The following ERCC3 variants were observed in gnomAD, a reference collection of about 807,000 sequenced individuals.
The protein encoded by ERCC3 is general transcription and DNA repair factor IIH helicase/translocase subunit XPB.
ERCC3 carries 66 observed loss-of-function variants against 94.2 expected under a neutral mutation model. The observed-to-expected ratio is 0.70, with a 90% confidence interval of 0.57 to 0.86. The LOEUF is 0.86. Among genes scored for constraint, ERCC3 ranks in the 40% least tolerant of loss-of-function variants. The probability of loss-of-function intolerance (pLI) is 0.00; values close to 1 mark genes in which losing one functional copy is unlikely to be tolerated. For missense variants in ERCC3, 829 were observed against 987.1 expected (o/e 0.84, Z 2.15); for synonymous variants, 349 against 369.1 (o/e 0.95, Z 0.63).
rs1034596012 is a variant in ERCC3, at chr2:127,257,876, G to C, written c.2218-149C>G. On this transcript the variant is annotated intron_variant, in intron 14 of 14. Coordinates refer to ENST00000285398, the MANE Select transcript of ERCC3 (RefSeq NM_000122.2). This position sits in a 1 kb window ranked among gnomAD's most constrained non-coding sequence, Gnocchi z 5.4. ...GTTTACAGATCGCTTACTGTCTCAG[G>C]CATTGTTCTAAGCATTTTACATGCA... is the stretch of plus-strand genomic sequence containing the variant. The C allele has an allele frequency of 4.6e-5, 42 of 914,742 alleles. No individual in the cohort carries two copies. In the African/African-American group the frequency reaches 6.8e-4, roughly 15 times the overall value. The allele number at this position is 914,742 out of a possible 1,614,324, so 56.7% of individuals were successfully genotyped here. A position where few individuals can be genotyped will look rare whatever the true frequency, so the allele number is the denominator to read the frequency against.
chr2:127,271,262 C>G lies in ERCC3; in HGVS notation c.1945+74G>C, dbSNP rs1684539809. The G allele has an allele frequency of 9.8e-7, 1 of 1,022,634 alleles. No individual in the cohort carries two copies. The highest frequency in any genetic ancestry group is 1.6e-5 in the African/African-American group (1 of 63,554). The allele number at this position is 1,022,634 out of a possible 1,614,324, so 63.3% of individuals were successfully genotyped here. On this transcript the variant is annotated intron_variant, in intron 12 of 14. Transcript: ENST00000285398. The surrounding 1 kb of genome is among the most constrained non-coding windows in gnomAD (Gnocchi z 5.0). Reference sequence around the variant, plus strand: ...GCCCCAGGGCACATGGCAGCTCTCACCCCTATCGTCTTCCTAACTAAAGTG... The same window carrying G: ...GCCCCAGGGCACATGGCAGCTCTCAGCCCTATCGTCTTCCTAACTAAAGTG...
chr2:127,266,416 A>G (rs1353304826), intron 12 of ERCC3, among the ~76,000 whole-genome samples: 3 of 147,380 alleles, frequency 2.0e-5, no homozygotes, highest in Non-Finnish European at 4.4e-5. Context: ...GCTCACTGCA[A>G]GCTCCGCCTC....
rs777778660 is a variant in ERCC3, at chr2:127,293,675, A to ATCCTCTTCATCC, written c.60_71dup (p.Glu20_Glu23dup). ...CGTTCCCCGGGGCGTCCTCTTCATC[A>ATCCTCTTCATCC]TCCTCTTCATCCTCATAGTGCCGCT... On this transcript the variant is annotated inframe_insertion, in exon 2 of 15. Transcript: ENST00000285398. 7 of 1,613,832 alleles carry ATCCTCTTCATCC rather than the reference A, an allele frequency of 4.3e-6. No homozygotes were observed. In the Admixed American group the frequency reaches 8.3e-5, roughly 19 times the overall value.
Position 127,280,774 on chromosome 2 carries a change from G to T in ERCC3, c.1343-143C>A. On this transcript the variant is annotated intron_variant, in intron 8 of 14. Transcript: ENST00000285398. The surrounding 1 kb of genome is among the most constrained non-coding windows in gnomAD (Gnocchi z 6.3). ...ACTCCTGGCCTCAAGCAATCCCCCT[G>T]CCTTCGCCTCCCAAAGTGCTGGGAT... The T allele has an allele frequency of 1.3e-6, 1 of 754,516 alleles. No individual in the cohort carries two copies. Among genetic ancestry groups the T allele is most frequent in the Non-Finnish European group, 2.2e-6 (1 of 450,922 alleles). The allele number at this position is 754,516 out of a possible 1,614,324, so 46.7% of individuals were successfully genotyped here.
intron 1 of ERCC3, 135 bp from the exon 2 acceptor site, chr2:127,293,853 T>C: frequency 6.4e-7 from 1 of 1,562,498 alleles, no homozygotes; most frequent in Non-Finnish European, 8.6e-7. Context: ...GTTGCGCCCC[T>C]CACCCGTCTC....
At chr2:127,273,078 G>A (rs1446804303) in intron 10 of ERCC3, 117 bp from the exon 11 acceptor site, 1 of 704,220 alleles carries the variant, frequency 1.4e-6, no homozygotes, top group Non-Finnish European at 2.6e-6. Flanking sequence ...CCCTCGTCAT[G>A]TAGGAATATC....
chr2:127,278,613 G>C (rs1440765398), intron 10 of ERCC3, among the ~76,000 whole-genome samples: 2 of 152,218 alleles, frequency 1.3e-5, no homozygotes, highest in Non-Finnish European at 2.9e-5. Flanking sequence ...CTGAAGTCCT[G>C]TGTCACTGTA....
At position 127,257,380 on chromosome 2, in the gene ERCC3, TCC is replaced by T. The variant is rs977616499; in HGVS notation, c.*214_*215del. ...TTTTTATATACAGAAATGACCCCAC[TCC>T]CCAAAAAGTTTGAAAAAATATTGTC... On this transcript the variant is annotated 3_prime_UTR_variant, in exon 15 of 15. Transcript: ENST00000285398. The surrounding 1 kb of genome is among the most constrained non-coding windows in gnomAD (Gnocchi z 5.4). 7 of 619,738 alleles carry T rather than the reference TCC, an allele frequency of 1.1e-5. No individual in the cohort carries two copies. The African/African-American group carries it at 1.3e-4, about 11-fold the overall frequency. 38.4% of individuals were successfully genotyped at this position (619,738 alleles called of 1,614,324 possible).
At chr2:127,288,150 T>C (rs1190146695) in intron 7 of ERCC3, among the ~76,000 whole-genome samples, 2 of 152,084 alleles carry the variant, frequency 1.3e-5, no homozygotes, top group Admixed American at 6.6e-5. Flanking sequence ...CTGGGATAAG[T>C]GGTCAAACAG....
At chr2:127,272,067 G>T (rs1684575577) in intron 11 of ERCC3, among the ~76,000 whole-genome samples, 1 of 139,212 alleles carries the variant, frequency 7.2e-6, no homozygotes, top group Non-Finnish European at 1.5e-5. Context: ...TGCCTAGGCT[G>T]GAGTGCAACG....
intron 10 of ERCC3, 81 bp from the exon 11 acceptor site, chr2:127,273,042 C>T (rs905122375): frequency 3.4e-6 from 3 of 882,884 alleles, no homozygotes; most frequent in Non-Finnish European, 5.7e-6. Context: ...AAAAGGAGCT[C>T]AGGCTAGCTC....
In ERCC3 at chr2:127,274,403, C is replaced by T. The variant is rs1423877821; in HGVS notation, c.1731-1442G>A. The stretch of plus-strand genomic sequence containing the variant: ...CATTGTAAAAGACAGGTTTCATGTT[C>T]CCCAATTTACATGTGGGAAACCAAG... On this transcript the variant is annotated intron_variant, in intron 10 of 14. Coordinates refer to ENST00000285398, the MANE Select transcript of ERCC3 (RefSeq NM_000122.2). This position sits in a 1 kb window ranked among gnomAD's most constrained non-coding sequence, Gnocchi z 4.0. Among the ~76,000 whole-genome samples, 2 of 152,324 alleles carry T rather than the reference C, an allele frequency of 1.3e-5. No homozygotes were observed. The highest frequency in any genetic ancestry group is 2.4e-5 in the African/African-American group (1 of 41,572).
intron 3 of ERCC3, chr2:127,292,386 A>T: frequency 1.6e-6 from 1 of 618,352 alleles, no homozygotes. Context: ...CACCCAGAAC[A>T]CAATGCTGGA....
intron 3 of ERCC3, 123 bp from the exon 4 acceptor site, chr2:127,290,396 T>A: frequency 1.2e-6 from 1 of 834,298 alleles, no homozygotes; most frequent in Non-Finnish European, 2.1e-6. Context: ...GAAACCCAAC[T>A]TGCAATCCTA....
intron 12 of ERCC3, among the ~76,000 whole-genome samples, chr2:127,266,537 C>T (rs1465615626): frequency 6.6e-6 from 1 of 151,492 alleles, no homozygotes; most frequent in African/African-American, 2.4e-5. Flanking sequence ...CGGGGTTTCA[C>T]TGTGTTAGCC....
At position 127,294,141 on chromosome 2, in the gene ERCC3, C is replaced by T. The variant is rs1294853504; in HGVS notation, c.-60G>A. 1 of 1,581,964 alleles carries T rather than the reference C, an allele frequency of 6.3e-7. No homozygotes were observed. Among genetic ancestry groups the T allele is most frequent in the Non-Finnish European group, 8.6e-7 (1 of 1,165,198 alleles). ...TCCCACAGGCCCGCCGCGGCATCCG[C>T]TCTGGGGGGACTTCCGGCTCAATCC... On this transcript the variant is annotated 5_prime_UTR_variant, in exon 1 of 15. Transcript: ENST00000285398.
chr2:127,292,919 C>T (rs1685325925), intron 2 of ERCC3, 73 bp from the exon 3 acceptor site: 1 of 954,980 alleles, frequency 1.0e-6, no homozygotes, highest in African/African-American at 1.6e-5. Flanking sequence ...TTGCCCATAT[C>T]ATTATCAAGA....
chr2:127,272,265 T>G (rs1684582657), intron 11 of ERCC3, among the ~76,000 whole-genome samples: 1 of 152,118 alleles, frequency 6.6e-6, no homozygotes, highest in South Asian at 2.1e-4. Context: ...CCTCCGGTGA[T>G]CCACCCGCCT....
Position 127,279,204 on chromosome 2 carries a change from C to A in ERCC3, c.1699G>T (p.Ala567Ser), listed in dbSNP as rs747979985. Reference sequence around the variant, plus strand: ...AGTCGAATGGCATATTCCTTTAGGGCAAACACATTGTCAGCAAAGACAATA... The same window carrying A: ...AGTCGAATGGCATATTCCTTTAGGGAAAACACATTGTCAGCAAAGACAATA... Reference protein sequence around the residue: ...KIIVFADNVFALKEYAIRLNK... With the variant: ...KIIVFADNVFSLKEYAIRLNK... The change falls in exon 10 of 15, where the codon GCC becomes TCC. Residue 567 changes from alanine to serine, a missense_variant. Physicochemically the swap from Ala to Ser is moderately conservative, Grantham distance 99 (BLOSUM62 1). Coordinates refer to ENST00000285398, the MANE Select transcript of ERCC3 (RefSeq NM_000122.2). This position sits in a 1 kb window ranked among gnomAD's most constrained non-coding sequence, Gnocchi z 4.7. The A allele has an allele frequency of 2.5e-6, 4 of 1,613,702 alleles. No individual in the cohort carries two copies. Among genetic ancestry groups the A allele is most frequent in the Admixed American group, 3.3e-5 (2 of 59,996 alleles).
Sources: allele counts gnomAD v4.1 joint callset (sites outside exome capture counted in the v4.1 genomes callset), GRCh38; gene constraint gnomAD v4.1.1; non-coding constraint Gnocchi (gnomAD v3.1); transcripts MANE v1.5; gene names NCBI Gene and HGNC (gene_info 2026-07-23, HGNC 2026-07-21).